LRP11: variants seen among roughly 807,000 people sequenced by gnomAD.
The protein encoded by LRP11 is low-density lipoprotein receptor-related protein 11.
LRP11 carries 25 observed loss-of-function variants against 43.1 expected under a neutral mutation model. That is an observed-to-expected ratio of 0.58 (90% confidence interval 0.42 to 0.81). The LOEUF is 0.81. Ranked by LOEUF, LRP11 falls within the 30% of genes least tolerant of loss-of-function variation. The pLI, the probability that LRP11 is intolerant of heterozygous loss-of-function variation, is 0.00. For missense variants in LRP11, 623 were observed against 665.1 expected (o/e 0.94, Z 0.70); for synonymous variants, 316 against 299.4 (o/e 1.06, Z -0.57).
intron 4 of LRP11, 85 bp downstream of exon 4, chr6:149,837,253 G>A: frequency 6.9e-7 from 1 of 1,442,992 alleles, no homozygotes; most frequent in Non-Finnish European, 9.5e-7. Context: ...GAAGGACACT[G>A]TGTTTGCATT....
chr6:149,830,389 G>A (rs1268431604), intron 5 of LRP11, among the ~76,000 whole-genome samples: 1 of 152,128 alleles, frequency 6.6e-6, no homozygotes, highest in Admixed American at 6.6e-5. Context: ...TGGTGGTGCT[G>A]GAATTAGAAC....
intron 6 of LRP11, among the ~76,000 whole-genome samples, chr6:149,824,736 T>C (rs1457516028): frequency 6.6e-6 from 1 of 152,166 alleles, no homozygotes. Flanking sequence ...GGCATGCACC[T>C]GTAATCCCAG....
At chr6:149,823,222 C>CT (rs1458862945) in intron 6 of LRP11, among the ~76,000 whole-genome samples, 1 of 152,200 alleles carries the variant, frequency 6.6e-6, no homozygotes, top group Non-Finnish European at 1.5e-5. Flanking sequence ...GAGGTGAAGC[C>CT]TGGAGAGCCC....
rs963377895 is a variant in LRP11 at position 149,859,457 on chromosome 6, G to A, written c.613+3951C>T. Among the ~76,000 whole-genome samples, 5 of 134,116 alleles carry A rather than the reference G, an allele frequency of 3.7e-5. No individual in the cohort carries two copies. The East Asian group carries it at 7.0e-4, about 19-fold the overall frequency. 88.0% of individuals were successfully genotyped at this position (134,116 alleles called of 152,430 possible). A position where few individuals can be genotyped will look rare whatever the true frequency, so the allele number is the denominator to read the frequency against. On this transcript the variant is annotated intron_variant, in intron 1 of 6. Transcript: ENST00000239367. Reference sequence around the variant, plus strand: ...GTCGCCCAGGCTGGAGTCCAGTGTTGCAATCTCAGCTTACTGTAACCTCCG... The same window carrying A: ...GTCGCCCAGGCTGGAGTCCAGTGTTACAATCTCAGCTTACTGTAACCTCCG...
At chr6:149,830,136 G>A (rs867431032) in intron 5 of LRP11, among the ~76,000 whole-genome samples, 4 of 150,268 alleles carry the variant, frequency 2.7e-5, no homozygotes, top group South Asian at 2.1e-4. Flanking sequence ...TCAGCCTCCC[G>A]AGAAGCTGGG....
intron 1 of LRP11, among the ~76,000 whole-genome samples, chr6:149,853,525 G>A (rs1288186522): frequency 6.6e-6 from 1 of 152,048 alleles, no homozygotes; most frequent in Non-Finnish European, 1.5e-5. Context: ...TTATTATTTT[G>A]AGATGGAGTT....
chr6:149,861,565 G>A (rs1776895859), intron 1 of LRP11, among the ~76,000 whole-genome samples: 1 of 152,202 alleles, frequency 6.6e-6, no homozygotes, highest in South Asian at 2.1e-4. Context: ...CCAGGCTGGA[G>A]TGCAGTGGCG....
At chr6:149,843,559 C>T (rs1303655716) in intron 2 of LRP11, among the ~76,000 whole-genome samples, 1 of 152,170 alleles carries the variant, frequency 6.6e-6, no homozygotes, top group African/African-American at 2.4e-5. Flanking sequence ...AGCTGTCCCT[C>T]CTGTGTTCCA....
At chr6:149,840,910 G>A (rs1776536188) in intron 3 of LRP11, among the ~76,000 whole-genome samples, 1 of 152,182 alleles carries the variant, frequency 6.6e-6, no homozygotes, top group South Asian at 2.1e-4. Context: ...TGGCTCTCCT[G>A]TCCAGCTGCA....
At chr6:149,859,396 A>ATATATATATATATATATATT in intron 1 of LRP11, among the ~76,000 whole-genome samples, 61 of 71,488 alleles carry the variant, frequency 8.5e-4, no homozygotes, top group Admixed American at 1.9e-3. Flanking sequence ...ATATATATAT[A>ATATATATATATATATATATT]TTTTTTTTTT....
chr6:149,858,950 G>A (rs1349254964), intron 1 of LRP11, among the ~76,000 whole-genome samples: 2 of 152,126 alleles, frequency 1.3e-5, no homozygotes, highest in Admixed American at 6.5e-5. Flanking sequence ...CTTTCCAAGA[G>A]GGAAGTACCA....
intron 1 of LRP11, among the ~76,000 whole-genome samples, chr6:149,856,922 G>A (rs1232413070): frequency 6.6e-6 from 1 of 151,990 alleles, no homozygotes; most frequent in African/African-American, 2.4e-5. Context: ...AGATACATGC[G>A]GTCAAAATCC....
intron 1 of LRP11, among the ~76,000 whole-genome samples, chr6:149,854,781 C>T (rs1211696898): frequency 6.6e-6 from 1 of 152,196 alleles, no homozygotes; most frequent in South Asian, 2.1e-4. Flanking sequence ...CTCCTGCTTT[C>T]GAGCCCATCA....
chr6:149,864,165 C>T lies in LRP11; in HGVS notation c.-145G>A. The T allele has an allele frequency of 8.7e-7, 1 of 1,143,738 alleles. No homozygotes were observed. Among genetic ancestry groups the T allele is most frequent in the African/African-American group, 1.6e-5 (1 of 61,274 alleles). 70.8% of individuals were successfully genotyped at this position (1,143,738 alleles called of 1,614,324 possible). ...GCCTCACAGCGCGGCGCCCCCGAAC[C>T]CGGCTGCTCCCCCGAGGTCGCGGGC... On this transcript the variant is annotated 5_prime_UTR_variant, in exon 1 of 7. Coordinates refer to ENST00000239367, the MANE Select transcript of LRP11 (RefSeq NM_032832.6).
intron 1 of LRP11, among the ~76,000 whole-genome samples, chr6:149,856,712 A>G (rs1400138916): frequency 1.3e-5 from 2 of 152,224 alleles, no homozygotes; most frequent in African/African-American, 4.8e-5. Context: ...GAATGAGCAA[A>G]TCAAGGTGGC....
At chr6:149,856,572 T>A (rs1179818441) in intron 1 of LRP11, among the ~76,000 whole-genome samples, 1 of 152,150 alleles carries the variant, frequency 6.6e-6, no homozygotes, top group Non-Finnish European at 1.5e-5. Context: ...ACAAAATATA[T>A]GTAATTTTGA....
At chr6:149,825,942 C>T (rs1164638139) in intron 6 of LRP11, among the ~76,000 whole-genome samples, 1 of 152,228 alleles carries the variant, frequency 6.6e-6, no homozygotes, top group Non-Finnish European at 1.5e-5. Flanking sequence ...AGCCACTGTG[C>T]CCAGCTTTGA....
intron 6 of LRP11, among the ~76,000 whole-genome samples, chr6:149,824,897 A>C (rs1776319968): frequency 6.6e-6 from 1 of 152,142 alleles, no homozygotes. Flanking sequence ...TAACAACCAG[A>C]ATAGGCAACA....
intron 1 of LRP11, among the ~76,000 whole-genome samples, chr6:149,854,037 C>T (rs1463231101): frequency 2.0e-5 from 3 of 152,164 alleles, no homozygotes; most frequent in Admixed American, 6.5e-5. Flanking sequence ...AAATTGAAGA[C>T]GTTCACCGTT....
Sources: allele counts gnomAD v4.1 joint callset (sites outside exome capture counted in the v4.1 genomes callset), GRCh38; gene constraint gnomAD v4.1.1; transcripts MANE v1.5; gene names NCBI Gene and HGNC (gene_info 2026-07-23, HGNC 2026-07-21).